Variants in ALK observed in about 807,000 individuals in gnomAD.
ALK encodes the protein ALK receptor tyrosine kinase.
In ALK, 74 loss-of-function variants were observed where a neutral mutation model predicts 163.1. The ratio of observed to expected loss-of-function variants is 0.45; its 90% CI spans 0.38 to 0.55. ALK has a LOEUF of 0.55. Ranked by LOEUF, ALK falls within the 20% of genes least tolerant of loss-of-function variation. ALK has a pLI of 0.00. For missense variants in ALK, 2,063 were observed against 2,105.3 expected (o/e 0.98, Z 0.39); for synonymous variants, 960 against 843.2 (o/e 1.14, Z -2.40).
At chr2:29,705,282 A>AT (rs1558451342) in intron 2 of ALK, among the ~76,000 whole-genome samples, 2,791 of 33,788 alleles carry the variant, frequency 0.083, 552 homozygotes, top group Non-Finnish European at 0.096. Flanking sequence ...TATATATATA[A>AT]ATATATATCT....
chr2:29,554,430 TTTCA>T (rs1296778511), intron 3 of ALK, among the ~76,000 whole-genome samples: 1 of 152,186 alleles, frequency 6.6e-6, no homozygotes, highest in African/African-American at 2.4e-5. Context: ...ATTGTCAGCC[TTTCA>T]GAGCACATTG....
chr2:29,227,551 C>T lies in ALK; in HGVS notation c.2914+23G>A, dbSNP rs202037643. 57 of 1,598,548 alleles carry T rather than the reference C, an allele frequency of 3.6e-5. No individual in the cohort carries two copies. Among genetic ancestry groups the T allele is most frequent in the Non-Finnish European group, 4.9e-5 (57 of 1,165,930 alleles). On this transcript the variant is annotated intron_variant, in intron 17 of 28. Coordinates refer to ENST00000389048, the MANE Select transcript of ALK (RefSeq NM_004304.5). The surrounding 1 kb of genome is among the most constrained non-coding windows in gnomAD (Gnocchi z 4.4). ...GAGGACTGACCTAAGCAAGTTTGTT[C>T]TGCTGCCTGGCAGAGAAGCTACCTT...
At chr2:29,700,656 A>G (rs1308085050) in intron 2 of ALK, among the ~76,000 whole-genome samples, 2 of 152,220 alleles carry the variant, frequency 1.3e-5, no homozygotes, top group Admixed American at 1.3e-4. Context: ...ATGCATTTTT[A>G]TCATCTGATA....
chr2:29,636,993 G>A (rs1254951071), intron 3 of ALK, among the ~76,000 whole-genome samples: 2 of 152,180 alleles, frequency 1.3e-5, no homozygotes, highest in Non-Finnish European at 2.9e-5. Flanking sequence ...GCTGATGAGA[G>A]TAACATGGTA....
At chr2:29,476,963 C>G (rs950098356) in intron 4 of ALK, among the ~76,000 whole-genome samples, 27 of 152,190 alleles carry the variant, frequency 1.8e-4, no homozygotes, top group Admixed American at 1.8e-3. Context: ...TGCACCTCGC[C>G]TCACCCTCAT....
chr2:29,882,302 T>A (rs1199753542), intron 1 of ALK, among the ~76,000 whole-genome samples: 2 of 152,204 alleles, frequency 1.3e-5, no homozygotes, highest in Admixed American at 1.3e-4. Flanking sequence ...AAGTCATTTT[T>A]CTAAAAAATG....
intron 1 of ALK, among the ~76,000 whole-genome samples, chr2:29,859,786 A>G (rs1666233206): frequency 6.6e-6 from 1 of 152,180 alleles, no homozygotes; most frequent in African/African-American, 2.4e-5. Context: ...GAGTTACTGG[A>G]AAGACTTCTT....
intron 3 of ALK, among the ~76,000 whole-genome samples, chr2:29,668,720 ATTAGTC>A (rs1677592037): frequency 6.6e-6 from 1 of 152,146 alleles, no homozygotes; most frequent in South Asian, 2.1e-4. Flanking sequence ...CTGCACATGT[ATTAGTC>A]TGTTCTCATG....
intron 11 of ALK, among the ~76,000 whole-genome samples, chr2:29,265,596 T>C (rs1178866660): frequency 6.6e-6 from 1 of 152,220 alleles, no homozygotes; most frequent in Non-Finnish European, 1.5e-5. Flanking sequence ...AATATGATCA[T>C]TGTTAGATCT....
chr2:29,243,997 G>T (rs1664590094), intron 12 of ALK, among the ~76,000 whole-genome samples: 1 of 151,430 alleles, frequency 6.6e-6, no homozygotes, highest in African/African-American at 2.5e-5. Flanking sequence ...TGATGTAATT[G>T]AGTTGTGAAT....
intron 8 of ALK, among the ~76,000 whole-genome samples, chr2:29,304,798 C>T (rs577044152): frequency 1.3e-5 from 2 of 152,194 alleles, no homozygotes; most frequent in Non-Finnish European, 2.9e-5. Context: ...GTGATAATAA[C>T]CACCACCCCT....
At chr2:29,595,646 G>C (rs549037297) in intron 3 of ALK, among the ~76,000 whole-genome samples, 1 of 152,300 alleles carries the variant, frequency 6.6e-6, no homozygotes, top group East Asian at 1.9e-4. Flanking sequence ...AGATTGATCT[G>C]TGATGTGGTC....
chr2:29,308,917 G>A (rs1312007429), intron 8 of ALK, among the ~76,000 whole-genome samples: 2 of 151,564 alleles, frequency 1.3e-5, no homozygotes, highest in Non-Finnish European at 2.9e-5. Flanking sequence ...TTTTGTTGCT[G>A]TTTTTTAATC....
chr2:29,744,856 G>A (rs545041319), intron 1 of ALK, among the ~76,000 whole-genome samples: 13 of 152,098 alleles, frequency 8.5e-5, no homozygotes, highest in African/African-American at 2.4e-4. Flanking sequence ...CTTTTCCAAC[G>A]CAACCTCAGA....
chr2:29,607,689 G>C (rs1056032258), intron 3 of ALK, among the ~76,000 whole-genome samples: 1 of 152,098 alleles, frequency 6.6e-6, no homozygotes, highest in African/African-American at 2.4e-5. Context: ...CACTCTCTCA[G>C]TTCTCCTTCT....
At chr2:29,912,979 G>A (rs1211666037) in intron 1 of ALK, among the ~76,000 whole-genome samples, 2 of 152,038 alleles carry the variant, frequency 1.3e-5, no homozygotes, top group Non-Finnish European at 2.9e-5. Context: ...ATTTCCTTTG[G>A]CTAGTTTCCT....
rs530124178 is a variant in ALK at position 29,857,547 on chromosome 2, C to A, written c.667+62446G>T. On this transcript the variant is annotated intron_variant, in intron 1 of 28. Coordinates refer to ENST00000389048, the MANE Select transcript of ALK (RefSeq NM_004304.5). ...GCGGGAGAAGAGCAGTTTAAACAAT[C>A]AAAGGAGCATTGAGGCTGGACTAAA... 3.3e-5 allele frequency among the ~76,000 whole-genome samples: 5 copies of A among 152,242 alleles called. No individual in the cohort carries two copies. The East Asian group carries it at 9.6e-4, about 29-fold the overall frequency.
intron 3 of ALK, among the ~76,000 whole-genome samples, chr2:29,545,338 T>G (rs916167031): frequency 5.3e-5 from 8 of 152,208 alleles, no homozygotes; most frequent in African/African-American, 1.9e-4. Flanking sequence ...AAGAGGCTCC[T>G]TATTGTTTAT....
chr2:29,202,111 C>T (rs909783269), intron 26 of ALK, among the ~76,000 whole-genome samples: 5 of 152,172 alleles, frequency 3.3e-5, no homozygotes, highest in African/African-American at 7.2e-5. Context: ...CCCTTAGCTC[C>T]GACCATCAGG....
Sources: allele counts gnomAD v4.1 joint callset (sites outside exome capture counted in the v4.1 genomes callset), GRCh38; gene constraint gnomAD v4.1.1; non-coding constraint Gnocchi (gnomAD v3.1); transcripts MANE v1.5; gene names NCBI Gene and HGNC (gene_info 2026-07-23, HGNC 2026-07-21).